Variants in AFAP1L1 observed in about 807,000 individuals in gnomAD.
AFAP1L1 encodes the protein actin filament-associated protein 1-like 1.
AFAP1L1 carries 77 observed loss-of-function variants against 99.8 expected under a neutral mutation model. That is an observed-to-expected ratio of 0.77 (90% CI 0.64 to 0.93). AFAP1L1 has a LOEUF of 0.93. Among genes scored for constraint, AFAP1L1 ranks in the 40% least tolerant of loss-of-function variants. The pLI, the probability that AFAP1L1 is intolerant of heterozygous loss-of-function variation, is 0.00. For missense variants in AFAP1L1, 893 were observed against 996.8 expected (o/e 0.90, Z 1.40); for synonymous variants, 373 against 395.3 (o/e 0.94, Z 0.67).
chr5:149,301,376 A>G (rs1192741273), intron 4 of AFAP1L1, 146 bp downstream of exon 4: 2 of 612,710 alleles, frequency 3.3e-6, no homozygotes, highest in East Asian at 5.7e-5. Context: ...CACAGGCAGC[A>G]CCATGTGAAC....
intron 9 of AFAP1L1, 180 bp downstream of exon 9, chr5:149,312,384 T>C (rs1199207174): frequency 1.5e-6 from 1 of 681,556 alleles, no homozygotes; most frequent in African/African-American, 1.8e-5. Flanking sequence ...CATGAATGCA[T>C]GAACAAACGA....
chr5:149,302,590 C>A, intron 5 of AFAP1L1, 64 bp downstream of exon 5: 1 of 1,370,524 alleles, frequency 7.3e-7, no homozygotes, highest in Non-Finnish European at 1.0e-6. Context: ...AATTTAAGTT[C>A]CTCTGTGTCC....
intron 1 of AFAP1L1, among the ~76,000 whole-genome samples, chr5:149,280,724 A>G (rs1319530867): frequency 6.6e-6 from 1 of 152,160 alleles, no homozygotes; most frequent in African/African-American, 2.4e-5. Context: ...TAGCATCCAT[A>G]ATATATCTAA....
intron 1 of AFAP1L1, among the ~76,000 whole-genome samples, chr5:149,281,441 C>T (rs1316376663): frequency 6.6e-6 from 1 of 152,192 alleles, no homozygotes; most frequent in African/African-American, 2.4e-5. Context: ...CTTTGGGTTA[C>T]CACCACCCTC....
Position 149,341,302 on chromosome 5 carries a change from A to C in AFAP1L1, c.*1272A>C, listed in dbSNP as rs1757555718. 1 of 152,204 alleles carries C rather than the reference A, an allele frequency of 6.6e-6. No homozygotes were observed. Among genetic ancestry groups the C allele is most frequent in the South Asian group, 2.1e-4 (1 of 4,824 alleles). The allele number at this position is 152,204 out of a possible 1,614,324, so 9.4% of individuals were successfully genotyped here. A position where few individuals can be genotyped will look rare whatever the true frequency, so the allele number is the denominator to read the frequency against. On this transcript the variant is annotated 3_prime_UTR_variant, in exon 19 of 19. Coordinates refer to ENST00000296721, the MANE Select transcript of AFAP1L1 (RefSeq NM_152406.4). ...CTTTATCACCCTCTGAGGTAGCTGG[A>C]GACCACAGCAGGAAAAATAACCTGA... is the stretch of plus-strand genomic sequence containing the variant.
Position 149,329,107 on chromosome 5 carries a change from T to C in AFAP1L1, c.1811-559T>C, listed in dbSNP as rs376863337. ...CTTATAGATATCTGAAAACTGACTATAAAATATGCTCTTTTAAAACCAAAG... is the reference window on the plus strand; with the variant it reads ...CTTATAGATATCTGAAAACTGACTACAAAATATGCTCTTTTAAAACCAAAG... On this transcript the variant is annotated intron_variant, in intron 15 of 18. Coordinates refer to ENST00000296721, the MANE Select transcript of AFAP1L1 (RefSeq NM_152406.4). Among the ~76,000 whole-genome samples the C allele has an allele frequency of 9.8e-5, 15 of 152,286 alleles. No homozygotes were observed. In the East Asian group the frequency reaches 1.9e-3, roughly 20 times the overall value.
At chr5:149,272,420 GAGA>G (rs1448030458) in intron 1 of AFAP1L1, among the ~76,000 whole-genome samples, 3 of 152,218 alleles carry the variant, frequency 2.0e-5, no homozygotes, top group African/African-American at 4.8e-5. Flanking sequence ...AGGGCATTGC[GAGA>G]AGGAGGAGCG....
At chr5:149,324,933 C>A (rs1757053424) in intron 15 of AFAP1L1, among the ~76,000 whole-genome samples, 1 of 152,162 alleles carries the variant, frequency 6.6e-6, no homozygotes, top group South Asian at 2.1e-4. Context: ...AGAAGTTACA[C>A]TCTGTCATTC....
intron 1 of AFAP1L1, among the ~76,000 whole-genome samples, chr5:149,292,291 G>A (rs1621028): frequency 0.73 from 111,171 of 152,152 alleles, 42,424 homozygotes; most frequent in Non-Finnish European, 0.83. Context: ...CCTTCTGAGC[G>A]CTAGTGTCCT....
Position 149,320,835 on chromosome 5 carries a change from C to G in AFAP1L1, c.1698+372C>G, listed in dbSNP as rs1756932964. On this transcript the variant is annotated intron_variant, in intron 14 of 18. Transcript: ENST00000296721. The surrounding 1 kb of genome is among the most constrained non-coding windows in gnomAD (Gnocchi z 4.0). ...GGGCAGGTCCTGACTCTGGGACCAC[C>G]CCGCAAGCCTTCACCTGGTGACTTT... Among the ~76,000 whole-genome samples the G allele has an allele frequency of 6.6e-6, 1 of 152,226 alleles. No homozygotes were observed. Among genetic ancestry groups the G allele is most frequent in the African/African-American group, 2.4e-5 (1 of 41,456 alleles).
chr5:149,330,007 A>C (rs755789588), intron 16 of AFAP1L1, among the ~76,000 whole-genome samples, 177 bp downstream of exon 16: 17 of 152,048 alleles, frequency 1.1e-4, no homozygotes, highest in Admixed American at 2.0e-4. Context: ...TATCATCATC[A>C]TTCCTCCCAA....
At chr5:149,280,579 A>G (rs1222154202) in intron 1 of AFAP1L1, among the ~76,000 whole-genome samples, 2 of 152,106 alleles carry the variant, frequency 1.3e-5, no homozygotes, top group Non-Finnish European at 2.9e-5. Flanking sequence ...ACCTTGCTCA[A>G]ATACCTGCTT....
chr5:149,339,530 G>C (rs1283290088), intron 18 of AFAP1L1, among the ~76,000 whole-genome samples: 2 of 152,060 alleles, frequency 1.3e-5, no homozygotes, highest in African/African-American at 4.8e-5. Context: ...TTTGAATTTC[G>C]TATCATTTTC....
chr5:149,315,142 C>T (rs376454478), intron 9 of AFAP1L1, among the ~76,000 whole-genome samples: 1 of 152,112 alleles, frequency 6.6e-6, no homozygotes. Context: ...ATGAATGAAT[C>T]GATGAATGGT....
chr5:149,278,864 A>G (rs564292353), intron 1 of AFAP1L1, among the ~76,000 whole-genome samples: 4 of 151,892 alleles, frequency 2.6e-5, no homozygotes, highest in African/African-American at 9.7e-5. Context: ...TCTCCTGACC[A>G]CCTCAGCCCT....
At position 149,320,578 on chromosome 5, in the gene AFAP1L1, G is replaced by A; in HGVS notation, c.1698+115G>A. 1.1e-6 allele frequency: 1 copy of A among 930,442 alleles called. No individual in the cohort carries two copies. 57.6% of individuals were successfully genotyped at this position (930,442 alleles called of 1,614,324 possible). Reference sequence around the variant, plus strand: ...GATCATTTTCATTTAAGCAGCAGTAGCTAGAAGGGGAGCCCCTTCTTATCA... The same window carrying A: ...GATCATTTTCATTTAAGCAGCAGTAACTAGAAGGGGAGCCCCTTCTTATCA... On this transcript the variant is annotated intron_variant, in intron 14 of 18. Coordinates refer to ENST00000296721, the MANE Select transcript of AFAP1L1 (RefSeq NM_152406.4). The surrounding 1 kb of genome is among the most constrained non-coding windows in gnomAD (Gnocchi z 4.0).
Position 149,306,313 on chromosome 5 carries a change from C to G in AFAP1L1, c.444C>G (p.Cys148Trp), listed in dbSNP as rs148231801. 6.2e-7 allele frequency: 1 copy of G among 1,612,398 alleles called. No individual in the cohort carries two copies. The highest frequency in any genetic ancestry group is 1.3e-5 in the African/African-American group (1 of 74,902). The stretch of plus-strand genomic sequence containing the variant: ...CTTTCTGACAACCCACAGATGGCTG[C>G]AGCCCCTCACACTCGATTGTGGATG... ...SPEYISSHNGCSPSHSIVDGY... is the reference protein window; with the variant it reads ...SPEYISSHNGWSPSHSIVDGY... Residue 148 changes from cysteine (C) to tryptophan (W), a missense_variant, in exon 6 of 19, where the codon TGC (cysteine) becomes TGG (tryptophan). Coordinates refer to ENST00000296721, the MANE Select transcript of AFAP1L1 (RefSeq NM_152406.4).
intron 3 of AFAP1L1, 63 bp from the exon 4 acceptor site, chr5:149,301,070 T>C (rs1756190249): frequency 6.7e-7 from 1 of 1,500,482 alleles, no homozygotes; most frequent in South Asian, 1.2e-5. Context: ...AATCCAGCCC[T>C]CTTCCCCTGG....
chr5:149,285,217 A>G (rs1165593136), intron 1 of AFAP1L1, among the ~76,000 whole-genome samples: 1 of 152,064 alleles, frequency 6.6e-6, no homozygotes, highest in Non-Finnish European at 1.5e-5. Context: ...AAGAGGGAAG[A>G]CTTCCTACCT....
Sources: gnomAD v4.1 joint callset for allele counts (sites outside exome capture counted in the v4.1 genomes callset) on GRCh38, gnomAD v4.1.1 for gene constraint, Gnocchi (gnomAD v3.1) non-coding constraint, MANE v1.5 for transcripts, NCBI Gene and HGNC (gene_info 2026-07-23, HGNC 2026-07-21) for gene names.